The following LDB2 variants were observed in gnomAD, a reference collection of about 807,000 sequenced individuals.
LDB2 encodes the protein LIM domain binding 2, also known as LIM domain-binding protein 2.
A neutral mutation model predicts 44.3 loss-of-function variants in LDB2; 12 were observed. The observed-to-expected ratio is 0.27, with a 90% CI of 0.17 to 0.44. LDB2 has a LOEUF of 0.44. Among genes scored for constraint, LDB2 ranks in the 20% least tolerant of loss-of-function variants. The pLI is 1.00. For synonymous variants in LDB2, 164 were observed against 174.8 expected, an observed-to-expected ratio of 0.94 and a Z score of 0.49; for missense variants, 344 against 473.5, an observed-to-expected ratio of 0.73 and a Z score of 2.54.
At chr4:16,628,824 G>T (rs1731049495) in intron 2 of LDB2, among the ~76,000 whole-genome samples, 2 of 152,176 alleles carry the variant, frequency 1.3e-5, no homozygotes, top group Non-Finnish European at 2.9e-5. Flanking sequence ...GAAGTGCAAG[G>T]GGTCAGGGGA....
intron 5 of LDB2, among the ~76,000 whole-genome samples, chr4:16,521,191 T>C (rs1429230068): frequency 6.6e-6 from 1 of 152,174 alleles, no homozygotes; most frequent in Non-Finnish European, 1.5e-5. Flanking sequence ...AACAGGAATG[T>C]ATGCTGTCTG....
intron 2 of LDB2, among the ~76,000 whole-genome samples, chr4:16,755,055 C>G (rs1284773626): frequency 2.0e-5 from 3 of 152,124 alleles, no homozygotes; most frequent in Admixed American, 2.0e-4. Context: ...GAGATGTGAA[C>G]CACGTATTTC....
At chr4:16,838,313 A>C (rs946954830) in intron 1 of LDB2, among the ~76,000 whole-genome samples, 2 of 152,322 alleles carry the variant, frequency 1.3e-5, no homozygotes, top group African/African-American at 4.8e-5. Context: ...AGAGACTCAA[A>C]CTAATCTGCC....
chr4:16,837,967 T>C (rs1785180201), intron 1 of LDB2, among the ~76,000 whole-genome samples: 3 of 152,204 alleles, frequency 2.0e-5, no homozygotes, highest in South Asian at 4.1e-4. Flanking sequence ...TACATGAGAC[T>C]GTGGTATTGC....
intron 2 of LDB2, among the ~76,000 whole-genome samples, chr4:16,701,685 G>A (rs905031980): frequency 2.6e-5 from 4 of 152,208 alleles, no homozygotes; most frequent in Non-Finnish European, 4.4e-5. Flanking sequence ...ACTTCTGGGG[G>A]CAGCTGCAGC....
chr4:16,834,892 C>T (rs751488565), intron 1 of LDB2, among the ~76,000 whole-genome samples: 3 of 151,648 alleles, frequency 2.0e-5, no homozygotes, highest in Non-Finnish European at 4.4e-5. Flanking sequence ...ATTGTACTCC[C>T]AGCATCCATT....
intron 1 of LDB2, among the ~76,000 whole-genome samples, chr4:16,883,188 G>T (rs1428769407): frequency 6.6e-6 from 1 of 152,210 alleles, no homozygotes; most frequent in Non-Finnish European, 1.5e-5. Flanking sequence ...AGAGCTGAAG[G>T]AGGCTCAGAA....
At chr4:16,565,295 A>C (rs1472765824) in intron 5 of LDB2, among the ~76,000 whole-genome samples, 1 of 152,198 alleles carries the variant, frequency 6.6e-6, no homozygotes, top group African/African-American at 2.4e-5. Flanking sequence ...GCATGTAAAG[A>C]AATTAAAATA....
At chr4:16,613,999 A>G (rs919860046) in intron 2 of LDB2, among the ~76,000 whole-genome samples, 2 of 152,210 alleles carry the variant, frequency 1.3e-5, no homozygotes, top group Non-Finnish European at 1.5e-5. Flanking sequence ...GAGGCAACAC[A>G]CTACCTGACT....
rs901176657 is a variant in LDB2, at chr4:16,582,713, C to A, written c.615+3209G>T. 6.6e-6 allele frequency among the ~76,000 whole-genome samples: 1 copy of A among 152,192 alleles called. No individual in the cohort carries two copies. The highest frequency in any genetic ancestry group is 1.5e-5 in the Non-Finnish European group (1 of 68,028). ...GGACACTCAGTCAGCAAGCCACAGC[C>A]CCCTCTAGAGGTCACAGAGGCAGCC... On this transcript the variant is annotated intron_variant, in intron 5 of 7. Coordinates refer to ENST00000304523, the MANE Select transcript of LDB2 (RefSeq NM_001290.5). The surrounding 1 kb of genome is among the most constrained non-coding windows in gnomAD (Gnocchi z 4.8).
chr4:16,598,486 G>A (rs1042247641), intron 2 of LDB2, among the ~76,000 whole-genome samples: 20 of 152,176 alleles, frequency 1.3e-4, no homozygotes, highest in South Asian at 6.2e-4. Flanking sequence ...CCTCAAGCTG[G>A]TGTCACGTGG....
At chr4:16,786,494 T>C (rs951005379) in intron 1 of LDB2, among the ~76,000 whole-genome samples, 2 of 152,198 alleles carry the variant, frequency 1.3e-5, no homozygotes, top group East Asian at 1.9e-4. Flanking sequence ...TGTGACTCTC[T>C]TGTGTACTGA....
chr4:16,667,106 A>G (rs926923201), intron 2 of LDB2, among the ~76,000 whole-genome samples: 1 of 152,242 alleles, frequency 6.6e-6, no homozygotes, highest in African/African-American at 2.4e-5. Flanking sequence ...GAATGCACAG[A>G]GAGTGTGTGT....
intron 2 of LDB2, among the ~76,000 whole-genome samples, chr4:16,671,284 A>G (rs1193219118): frequency 6.6e-6 from 1 of 152,076 alleles, no homozygotes. Flanking sequence ...GCAAATCTCT[A>G]TTCTGGGGTA....
At chr4:16,677,231 G>C (rs1394907280) in intron 2 of LDB2, among the ~76,000 whole-genome samples, 2 of 152,320 alleles carry the variant, frequency 1.3e-5, no homozygotes, top group South Asian at 2.1e-4. Flanking sequence ...CAGAGTTCAG[G>C]GTGGCCTGAA....
intron 2 of LDB2, among the ~76,000 whole-genome samples, chr4:16,597,268 A>C (rs1241658395): frequency 6.6e-6 from 1 of 152,188 alleles, no homozygotes. Context: ...TTATTGCCTC[A>C]TATTTGCTGC....
At chr4:16,643,969 C>A (rs558238499) in intron 2 of LDB2, among the ~76,000 whole-genome samples, 1 of 152,298 alleles carries the variant, frequency 6.6e-6, no homozygotes, top group Non-Finnish European at 1.5e-5. Context: ...CTCTCCTAAA[C>A]AACAAACAGC....
At chr4:16,556,202 A>C (rs1739512872) in intron 5 of LDB2, among the ~76,000 whole-genome samples, 1 of 152,176 alleles carries the variant, frequency 6.6e-6, no homozygotes, top group African/African-American at 2.4e-5. Flanking sequence ...TTGTGACATC[A>C]CTTCACCCAA....
intron 5 of LDB2, among the ~76,000 whole-genome samples, chr4:16,563,812 G>T (rs564672900): frequency 6.6e-6 from 1 of 152,094 alleles, no homozygotes; most frequent in East Asian, 1.9e-4. Flanking sequence ...ATCACACCAT[G>T]GCGGACCTGA....
Sources: gnomAD v4.1 joint callset for allele counts (sites outside exome capture counted in the v4.1 genomes callset) on GRCh38, gnomAD v4.1.1 for gene constraint, Gnocchi (gnomAD v3.1) non-coding constraint, MANE v1.5 for transcripts, NCBI Gene and HGNC (gene_info 2026-07-23, HGNC 2026-07-21) for gene names.